DCC: variants seen among roughly 807,000 people sequenced by gnomAD.
DCC encodes DCC netrin 1 receptor, also known as netrin receptor DCC.
Under a neutral mutation model 172.5 loss-of-function variants are expected in DCC, and 58 were observed. That is an observed-to-expected ratio of 0.34 (90% CI 0.27 to 0.42). The LOEUF is 0.42. Ranked by LOEUF, DCC falls within the 10% of genes least tolerant of loss-of-function variation. The probability of loss-of-function intolerance (pLI) is 1.00; values close to 1 mark genes in which losing one functional copy is unlikely to be tolerated. For missense variants in DCC, 1,740 were observed against 1,791.0 expected (o/e 0.97, Z 0.51); for synonymous variants, 709 against 644.5 (o/e 1.10, Z -1.52).
At chr18:53,177,241 T>C (rs1488172799) in intron 8 of DCC, among the ~76,000 whole-genome samples, 2 of 151,898 alleles carry the variant, frequency 1.3e-5, no homozygotes. Flanking sequence ...GATGACGAGT[T>C]AGTGGGTGCA....
chr18:52,584,472 T>A (rs183106818), intron 1 of DCC, among the ~76,000 whole-genome samples: 1 of 152,188 alleles, frequency 6.6e-6, no homozygotes, highest in Non-Finnish European at 1.5e-5. Flanking sequence ...CAAAGCCAAC[T>A]GGCTGTTAGT....
chr18:53,337,241 A>G (rs2057601946), intron 14 of DCC, among the ~76,000 whole-genome samples: 1 of 152,268 alleles, frequency 6.6e-6, no homozygotes, highest in South Asian at 2.1e-4. Flanking sequence ...TTGTCATTAA[A>G]ATCATTATGA....
chr18:52,850,400 C>G (rs2038957271), intron 2 of DCC, among the ~76,000 whole-genome samples: 1 of 152,140 alleles, frequency 6.6e-6, no homozygotes, highest in African/African-American at 2.4e-5. Flanking sequence ...GTATTTTTAA[C>G]TGGTGTATTA....
At chr18:52,563,043 C>G (rs1293675524) in intron 1 of DCC, among the ~76,000 whole-genome samples, 1 of 152,088 alleles carries the variant, frequency 6.6e-6, no homozygotes, top group Non-Finnish European at 1.5e-5. Context: ...TACTTTTTGA[C>G]CAGTTCAAAT....
intron 1 of DCC, among the ~76,000 whole-genome samples, chr18:52,523,705 A>AAGC (rs2031891648): frequency 1.3e-5 from 2 of 152,310 alleles, no homozygotes; most frequent in South Asian, 4.1e-4. Context: ...GCCCTGTTGC[A>AAGC]AATTGTGAAT....
chr18:53,005,276 T>G (rs572288784), intron 5 of DCC, among the ~76,000 whole-genome samples: 1 of 152,332 alleles, frequency 6.6e-6, no homozygotes, highest in African/African-American at 2.4e-5. Flanking sequence ...AATTCAATTC[T>G]GTTGACATTG....
intron 15 of DCC, among the ~76,000 whole-genome samples, chr18:53,361,077 A>G (rs748992525): frequency 2.0e-5 from 3 of 152,146 alleles, no homozygotes; most frequent in Non-Finnish European, 4.4e-5. Context: ...ATGTGTCCAT[A>G]TAAGAGGCAC....
chr18:52,966,537 C>T (rs114607217), intron 5 of DCC, among the ~76,000 whole-genome samples: 2,046 of 152,170 alleles, frequency 0.013, 60 homozygotes, highest in African/African-American at 0.047. Context: ...AGCTGGCTTC[C>T]AGTGGATTGC....
At chr18:53,235,092 A>G (rs867970971) in intron 12 of DCC, among the ~76,000 whole-genome samples, 4 of 152,208 alleles carry the variant, frequency 2.6e-5, no homozygotes, top group Middle Eastern at 3.2e-3. Flanking sequence ...ATCAAATGTC[A>G]TTATTTCAAA....
intron 2 of DCC, among the ~76,000 whole-genome samples, chr18:52,793,242 T>C (rs1412185876): frequency 6.6e-6 from 1 of 152,218 alleles, no homozygotes; most frequent in East Asian, 1.9e-4. Context: ...GTCTGTTCTT[T>C]ATTGTACAAG....
At chr18:52,718,296 C>T (rs1256936102) in intron 1 of DCC, among the ~76,000 whole-genome samples, 1 of 152,146 alleles carries the variant, frequency 6.6e-6, no homozygotes, top group Non-Finnish European at 1.5e-5. Context: ...TCATTCTATT[C>T]TTCAGGTGCC....
intron 21 of DCC, among the ~76,000 whole-genome samples, chr18:53,425,360 T>C (rs1218905026): frequency 2.5e-5 from 3 of 121,042 alleles, no homozygotes; most frequent in Non-Finnish European, 5.7e-5. Context: ...CTCCTCTCTT[T>C]TTTTTTTTTT....
rs1048524845 is a variant in DCC, at chr18:53,469,936, T to A, written c.3736+1926T>A. Among the ~76,000 whole-genome samples the A allele has an allele frequency of 2.6e-5, 4 of 152,172 alleles. No individual in the cohort carries two copies. The South Asian group carries it at 8.3e-4, about 31-fold the overall frequency. On this transcript the variant is annotated intron_variant, in intron 25 of 28. Transcript: ENST00000442544. ...TCAAGTCTCATACTCTCAGAAACAG[T>A]TGACATAGGTTCTCACTTATTTCCC...
At chr18:53,471,605 A>G (rs1311335171) in intron 25 of DCC, among the ~76,000 whole-genome samples, 1 of 152,046 alleles carries the variant, frequency 6.6e-6, no homozygotes. Context: ...TTTATCTCCT[A>G]TTGCTCCTTT....
At chr18:52,865,662 G>T (rs1232834306) in intron 2 of DCC, among the ~76,000 whole-genome samples, 4 of 151,676 alleles carry the variant, frequency 2.6e-5, no homozygotes, top group Admixed American at 2.6e-4. Flanking sequence ...TTTGAGAAGG[G>T]TCTGTTCATA....
At chr18:53,351,229 A>G (rs1278138627) in intron 15 of DCC, among the ~76,000 whole-genome samples, 4 of 142,054 alleles carry the variant, frequency 2.8e-5, no homozygotes, top group Non-Finnish European at 4.6e-5. Flanking sequence ...TCCATTACAA[A>G]AGATACTAGT....
chr18:53,378,829 A>G (rs926191173), intron 15 of DCC, among the ~76,000 whole-genome samples: 4 of 152,182 alleles, frequency 2.6e-5, no homozygotes, highest in Non-Finnish European at 4.4e-5. Context: ...TGCAAGACTG[A>G]TAAATGAGAA....
chr18:52,693,406 A>G (rs993187588), intron 1 of DCC, among the ~76,000 whole-genome samples: 2 of 147,754 alleles, frequency 1.4e-5, no homozygotes, highest in East Asian at 1.9e-4. Flanking sequence ...TATATAATAT[A>G]TATTTTATAT....
intron 9 of DCC, among the ~76,000 whole-genome samples, chr18:53,193,707 TAGG>T (rs1374528961): frequency 6.6e-6 from 1 of 152,120 alleles, no homozygotes; most frequent in Non-Finnish European, 1.5e-5. Context: ...ACCTACGTGT[TAGG>T]AGAATAGAGT....
Sources: allele counts gnomAD v4.1 joint callset (sites outside exome capture counted in the v4.1 genomes callset), GRCh38; gene constraint gnomAD v4.1.1; transcripts MANE v1.5; gene names NCBI Gene and HGNC (gene_info 2026-07-23, HGNC 2026-07-21).